ASH1L: variants seen among roughly 807,000 people sequenced by gnomAD.
ASH1L encodes histone-lysine N-methyltransferase ASH1L.
Under a neutral mutation model 269.0 loss-of-function variants are expected in ASH1L, and 23 were observed. The ratio of observed to expected loss-of-function variants is 0.09; its 90% CI spans 0.06 to 0.12. The LOEUF is 0.12. Among genes scored for constraint, ASH1L ranks in the 10% least tolerant of loss-of-function variants. The probability of loss-of-function intolerance (pLI) is 1.00; values close to 1 mark genes in which losing one functional copy is unlikely to be tolerated. For missense variants in ASH1L, 2,912 were observed against 3,567.8 expected, an observed-to-expected ratio of 0.82 and a Z score of 4.68; for synonymous variants, 1,187 against 1,253.5, an observed-to-expected ratio of 0.95 and a Z score of 1.12.
intron 1 of ASH1L, among the ~76,000 whole-genome samples, chr1:155,550,876 T>C (rs1671146985): frequency 6.6e-6 from 1 of 152,170 alleles, no homozygotes; most frequent in South Asian, 2.1e-4. Flanking sequence ...CAGGCTAGAG[T>C]GCAGTGGTGC....
chr1:155,447,910 G>A (rs1038609729), intron 4 of ASH1L, among the ~76,000 whole-genome samples: 11 of 152,060 alleles, frequency 7.2e-5, no homozygotes, highest in Non-Finnish European at 1.2e-4. Context: ...TGTGCCTGTG[G>A]GGTATTGCTC....
At position 155,338,213 on chromosome 1, in the gene ASH1L, T is replaced by G. The variant is rs1221514832; in HGVS notation, c.8679A>C (p.Lys2893Asn). The stretch of plus-strand genomic sequence containing the variant: ...GTTCTTGACTACTTTCCTCTGTTTT[T>G]TTTTCACCCTCACTGACGTTAGCAG... ...GATANVSEGE[K>N]KTEESSQEPQ... The change falls in exon 27 of 28, where the codon AAA becomes AAC. Residue 2893 changes from lysine (K) to asparagine (N), a missense_variant. Physicochemically the swap from Lys to Asn is moderately conservative, Grantham distance 94. Around this residue, in one of 13 missense-constraint regions of ASH1L, gnomAD observed 154 missense variants for 165.0 expected, o/e 0.93. Coordinates refer to ENST00000392403, the MANE Select transcript of ASH1L (RefSeq NM_018489.3). 1.7e-5 allele frequency: 28 copies of G among 1,614,008 alleles called. No homozygotes were observed. Among genetic ancestry groups the G allele is most frequent in the Non-Finnish European group, 2.4e-5 (28 of 1,180,020 alleles).
chr1:155,456,600 T>A (rs1663880980), intron 4 of ASH1L, among the ~76,000 whole-genome samples: 1 of 152,184 alleles, frequency 6.6e-6, no homozygotes, highest in Admixed American at 6.6e-5. Context: ...TCTCCCTGGA[T>A]GATCTCTTTC....
intron 5 of ASH1L, among the ~76,000 whole-genome samples, chr1:155,416,183 T>C (rs781341680): frequency 5.9e-4 from 90 of 152,092 alleles, no homozygotes; most frequent in South Asian, 2.7e-3. Flanking sequence ...CAGGCTGGAG[T>C]GCAGGGGCAC....
chr1:155,447,679 CTT>C (rs1430643020), intron 4 of ASH1L, among the ~76,000 whole-genome samples: 2 of 151,894 alleles, frequency 1.3e-5, no homozygotes, highest in Non-Finnish European at 2.9e-5. Context: ...AGAAATATCT[CTT>C]CAGTCTTTTG....
At chr1:155,458,587 G>A (rs952237353) in intron 4 of ASH1L, among the ~76,000 whole-genome samples, 2 of 152,028 alleles carry the variant, frequency 1.3e-5, no homozygotes, top group Non-Finnish European at 2.9e-5. Context: ...TATCATGGTG[G>A]GCACCTGTAA....
intron 6 of ASH1L, among the ~76,000 whole-genome samples, chr1:155,404,845 C>T (rs1031115656): frequency 6.6e-6 from 1 of 151,186 alleles, no homozygotes; most frequent in Admixed American, 6.6e-5. Context: ...CTGGCCAACA[C>T]GGTGAAACTC....
intron 1 of ASH1L, among the ~76,000 whole-genome samples, chr1:155,534,840 T>C (rs1009504253): frequency 6.6e-6 from 1 of 152,226 alleles, no homozygotes; most frequent in African/African-American, 2.4e-5. Context: ...TAAGTAAACC[T>C]ATTTAAAATT....
intron 7 of ASH1L, among the ~76,000 whole-genome samples, chr1:155,388,496 T>C (rs1360898089): frequency 1.3e-5 from 2 of 151,936 alleles, no homozygotes; most frequent in Non-Finnish European, 2.9e-5. Context: ...TACATGGGTT[T>C]TCATTATGTT....
Position 155,480,228 on chromosome 1 carries a change from A to G in ASH1L, c.2642T>C (p.Leu881Pro). Residue 881 changes from leucine to proline, a missense_variant, in exon 3 of 28, where the codon CTG (leucine) becomes CCG (proline). Leu to Pro is a moderately conservative substitution (Grantham distance 98, BLOSUM62 -3). Transcript: ENST00000392403. ...EIEIPSFKQG[L>P]SVSPFPKKRG... ...CTTTTTTGGAAAAGGAGACACAGACAGACCTTGTTTGAAGGAAGGGATTTC... is the reference window on the plus strand; with the variant it reads ...CTTTTTTGGAAAAGGAGACACAGACGGACCTTGTTTGAAGGAAGGGATTTC... The G allele has an allele frequency of 1.2e-6, 2 of 1,614,192 alleles. No homozygotes were observed. The highest frequency in any genetic ancestry group is 1.1e-5 in the South Asian group (1 of 91,080).
chr1:155,500,046 A>C (rs1029521845), intron 2 of ASH1L, among the ~76,000 whole-genome samples: 1 of 152,262 alleles, frequency 6.6e-6, no homozygotes, highest in African/African-American at 2.4e-5. Context: ...GAACCTGATT[A>C]AACTAATTAC....
chr1:155,533,717 C>CAAA (rs569067721), intron 1 of ASH1L, among the ~76,000 whole-genome samples: 1 of 79,700 alleles, frequency 1.3e-5, no homozygotes, highest in Admixed American at 1.5e-4. Flanking sequence ...GACTCCGTCT[C>CAAA]AAAAAAAAAA....
intron 17 of ASH1L, 76 bp downstream of exon 17, chr1:155,352,630 C>A (rs1654032350): frequency 1.3e-5 from 18 of 1,419,386 alleles, no homozygotes; most frequent in Non-Finnish European, 1.6e-5. Context: ...TATAGCAAGA[C>A]CCTATCTCTA....
intron 2 of ASH1L, among the ~76,000 whole-genome samples, chr1:155,510,926 T>C (rs775835628): frequency 1.3e-5 from 2 of 152,058 alleles, no homozygotes; most frequent in Admixed American, 1.3e-4. Context: ...TAGCAAAATA[T>C]TACCCAGAAA....
intron 4 of ASH1L, among the ~76,000 whole-genome samples, chr1:155,447,316 G>A (rs1663111952): frequency 6.6e-6 from 1 of 152,036 alleles, no homozygotes; most frequent in Non-Finnish European, 1.5e-5. Flanking sequence ...TAGACAATTA[G>A]GTGATTTTTC....
chr1:155,398,293 C>T (rs917939927), intron 6 of ASH1L, among the ~76,000 whole-genome samples: 7 of 152,120 alleles, frequency 4.6e-5, no homozygotes, highest in African/African-American at 1.7e-4. Flanking sequence ...AGTCATTTGT[C>T]ATTTGATAGT....
chr1:155,488,554 A>C (rs1666498891), intron 2 of ASH1L, among the ~76,000 whole-genome samples: 1 of 149,110 alleles, frequency 6.7e-6, no homozygotes, highest in African/African-American at 2.5e-5. Flanking sequence ...CTGTGGTCCC[A>C]GCTACTCAAG....
chr1:155,354,394 G>T, intron 16 of ASH1L, 79 bp downstream of exon 16: 2 of 1,365,884 alleles, frequency 1.5e-6, no homozygotes, highest in Non-Finnish European at 2.0e-6. Context: ...AGTGAGCCTA[G>T]ATCATGCCAT....
chr1:155,448,475 G>C (rs934528370), intron 4 of ASH1L, among the ~76,000 whole-genome samples: 3 of 152,058 alleles, frequency 2.0e-5, no homozygotes, highest in African/African-American at 7.2e-5. Context: ...TTCAGGCACA[G>C]GGGTGCCACA....
Sources: allele counts gnomAD v4.1 joint callset (sites outside exome capture counted in the v4.1 genomes callset), GRCh38; gene constraint gnomAD v4.1.1; regional missense constraint gnomAD v4.1.1; transcripts MANE v1.5; gene names NCBI Gene and HGNC (gene_info 2026-07-23, HGNC 2026-07-21).